The following AFF3 variants were observed in gnomAD, a reference collection of about 807,000 sequenced individuals.
AFF3 encodes AF4/FMR2 family member 3.
In AFF3, 32 loss-of-function variants were observed where a neutral mutation model predicts 129.7. That is an observed-to-expected ratio of 0.25 (90% CI 0.19 to 0.33). The LOEUF (loss-of-function observed/expected upper bound fraction) is 0.33. Among genes scored for constraint, AFF3 ranks in the 10% least tolerant of loss-of-function variants. AFF3 has a pLI of 1.00. For missense variants in AFF3, 1,373 were observed against 1,592.0 expected, an observed-to-expected ratio of 0.86 and a Z score of 2.34; for synonymous variants, 644 against 635.4, an observed-to-expected ratio of 1.01 and a Z score of -0.20.
chr2:99,724,271 C>CTGTTTTTTTTTTTTTT (rs1679164099), intron 11 of AFF3, among the ~76,000 whole-genome samples: 2 of 66,862 alleles, frequency 3.0e-5, no homozygotes, highest in Non-Finnish European at 2.5e-5. Flanking sequence ...AATGACCTTT[C>CTGTTTTTTTTTTTTTT]TTTTTTTTTT....
intron 8 of AFF3, among the ~76,000 whole-genome samples, chr2:99,812,313 CA>C (rs1686851185): frequency 6.6e-6 from 1 of 152,196 alleles, no homozygotes; most frequent in Non-Finnish European, 1.5e-5. Context: ...GAAGTAAGAT[CA>C]TTGTCTTCCT....
intron 2 of AFF3, among the ~76,000 whole-genome samples, chr2:100,124,667 G>A (rs1692112498): frequency 6.6e-6 from 1 of 151,298 alleles, no homozygotes. Flanking sequence ...GCAGAAGGGG[G>A]GAGATGGGGG....
intron 2 of AFF3, among the ~76,000 whole-genome samples, chr2:100,126,433 A>C (rs1213449144): frequency 6.6e-6 from 1 of 152,240 alleles, no homozygotes; most frequent in Non-Finnish European, 1.5e-5. Context: ...GGATGCACAC[A>C]GATCCAGATT....
At chr2:100,069,309 C>G (rs777518443) in intron 4 of AFF3, among the ~76,000 whole-genome samples, 1 of 152,158 alleles carries the variant, frequency 6.6e-6, no homozygotes, top group African/African-American at 2.4e-5. Context: ...TACCCCAGAA[C>G]TTCAAAATCT....
At chr2:99,810,766 C>T (rs1254775778) in intron 8 of AFF3, among the ~76,000 whole-genome samples, 3 of 152,124 alleles carry the variant, frequency 2.0e-5, no homozygotes, top group African/African-American at 7.2e-5. Context: ...TGCATGAAAA[C>T]CAAGGTGCTA....
At chr2:99,793,975 GTC>G (rs1685386810) in intron 8 of AFF3, among the ~76,000 whole-genome samples, 1 of 152,172 alleles carries the variant, frequency 6.6e-6, no homozygotes, top group Admixed American at 6.5e-5. Context: ...CTTCATTAGG[GTC>G]AATATTTGTT....
At chr2:100,120,188 T>C (rs17023516) in intron 2 of AFF3, among the ~76,000 whole-genome samples, 17,381 of 152,246 alleles carry the variant, frequency 0.11, 1,210 homozygotes, top group Non-Finnish European at 0.14. Context: ...CCTGCCAGTG[T>C]ATGCCTGTGA....
chr2:99,702,062 A>T (rs148286690), intron 11 of AFF3, among the ~76,000 whole-genome samples: 8 of 152,372 alleles, frequency 5.3e-5, no homozygotes, highest in Non-Finnish European at 1.0e-4. Context: ...GGCTATTGCA[A>T]ATAAAGCTGC....
intron 18 of AFF3, among the ~76,000 whole-genome samples, chr2:99,576,851 C>T (rs1437915087): frequency 6.6e-6 from 1 of 152,136 alleles, no homozygotes; most frequent in Non-Finnish European, 1.5e-5. Flanking sequence ...CAATTTATAT[C>T]ACTGAACCCT....
chr2:100,066,437 T>C (rs1456494718), intron 4 of AFF3, among the ~76,000 whole-genome samples: 1 of 152,194 alleles, frequency 6.6e-6, no homozygotes, highest in Non-Finnish European at 1.5e-5. Context: ...CCTCTTCTGT[T>C]CCCTGCCACT....
intron 13 of AFF3, among the ~76,000 whole-genome samples, chr2:99,648,502 A>G (rs1357109380): frequency 6.6e-6 from 1 of 152,210 alleles, no homozygotes; most frequent in Non-Finnish European, 1.5e-5. Context: ...AAGCAATTCC[A>G]GAAGATCATG....
intron 13 of AFF3, among the ~76,000 whole-genome samples, chr2:99,612,700 C>T (rs1356820168): frequency 2.0e-5 from 3 of 152,118 alleles, no homozygotes; most frequent in African/African-American, 4.8e-5. Flanking sequence ...CTGGGTTTTG[C>T]TCAAGATTGA....
chr2:99,832,720 A>G (rs1263982121), intron 8 of AFF3, among the ~76,000 whole-genome samples: 1 of 152,254 alleles, frequency 6.6e-6, no homozygotes, highest in African/African-American at 2.4e-5. Flanking sequence ...CAACTAACTT[A>G]TCTTGGCTAG....
Position 99,547,171 on chromosome 2 carries a change from C to T in AFF3, c.*4303G>A, listed in dbSNP as rs189236724. 373 of 216,842 alleles carry T rather than the reference C, an allele frequency of 1.7e-3. 1 individual carries two copies. Among genetic ancestry groups the T allele is most frequent in the Admixed American group, 4.5e-3 (77 of 17,222 alleles). 13.4% of individuals were successfully genotyped at this position (216,842 alleles called of 1,614,324 possible). A position where few individuals can be genotyped will look rare whatever the true frequency, so the allele number is the denominator to read the frequency against. On this transcript the variant is annotated 3_prime_UTR_variant, in exon 25 of 25. Coordinates refer to ENST00000672756, the MANE Select transcript of AFF3 (RefSeq NM_001386135.1). ...TGGGAGCCAGAACAACTGACTTGAA[C>T]GTATTTTGATTCTCAAGTTTCCGTG... is the stretch of plus-strand genomic sequence containing the variant.
intron 12 of AFF3, among the ~76,000 whole-genome samples, chr2:99,662,979 G>A (rs1162218821): frequency 6.6e-6 from 1 of 152,182 alleles, no homozygotes; most frequent in East Asian, 1.9e-4. Flanking sequence ...GGCCAAGAGC[G>A]TCAGGATCAA....
chr2:100,080,585 T>C (rs1401088547), intron 4 of AFF3, among the ~76,000 whole-genome samples: 1 of 151,912 alleles, frequency 6.6e-6, no homozygotes, highest in African/African-American at 2.4e-5. Context: ...GGACAGTCTA[T>C]TAGCAAAAAA....
At chr2:99,779,438 T>A (rs375969437) in intron 8 of AFF3, among the ~76,000 whole-genome samples, 15 of 152,214 alleles carry the variant, frequency 9.9e-5, no homozygotes, top group African/African-American at 3.4e-4. Flanking sequence ...TACATAGCAG[T>A]GTGGTGTTTC....
At chr2:99,863,476 C>A (rs1691150779) in intron 7 of AFF3, among the ~76,000 whole-genome samples, 1 of 152,046 alleles carries the variant, frequency 6.6e-6, no homozygotes, top group African/African-American at 2.4e-5. Context: ...AACTCTTCAG[C>A]CACTATATAA....
chr2:99,593,607 T>G lies in AFF3; in HGVS notation c.2054A>C (p.Gln685Pro). The G allele has an allele frequency of 6.2e-7, 1 of 1,611,996 alleles. No individual in the cohort carries two copies. ...SSSDSDLESEQEEYPLSKAQT... is the reference protein window; with the variant it reads ...SSSDSDLESEPEEYPLSKAQT... The stretch of plus-strand genomic sequence containing the variant: ...TGCTTTGGACAGAGGGTACTCCTCC[T>G]GCTCGGACTCCAGGTCGGAGTCCGA... The change falls in exon 15 of 25, where the codon CAG (glutamine) becomes CCG (proline). Residue 685 changes from glutamine (Q) to proline (P), a missense_variant. Physicochemically the swap from Gln to Pro is moderately conservative, Grantham distance 76. Coordinates refer to ENST00000672756, the MANE Select transcript of AFF3 (RefSeq NM_001386135.1).
Sources: allele counts gnomAD v4.1 joint callset (sites outside exome capture counted in the v4.1 genomes callset), GRCh38; gene constraint gnomAD v4.1.1; transcripts MANE v1.5; gene names NCBI Gene and HGNC (gene_info 2026-07-23, HGNC 2026-07-21).